Variants in BCAS1 observed in about 807,000 individuals in gnomAD.
BCAS1 encodes breast carcinoma-amplified sequence 1.
Under a neutral mutation model 65.4 loss-of-function variants are expected in BCAS1, and 46 were observed. The ratio of observed to expected loss-of-function variants is 0.70; its 90% CI spans 0.55 to 0.90. The LOEUF is 0.90. Ranked by LOEUF, BCAS1 falls within the 40% of genes least tolerant of loss-of-function variation. The pLI, the probability that BCAS1 is intolerant of heterozygous loss-of-function variation, is 0.00. For synonymous variants in BCAS1, 298 were observed against 293.5 expected, an observed-to-expected ratio of 1.02 and a Z score of -0.16; for missense variants, 793 against 771.2, an observed-to-expected ratio of 1.03 and a Z score of -0.33.
intron 3 of BCAS1, among the ~76,000 whole-genome samples, chr20:54,053,969 T>C (rs1191920668): frequency 6.6e-6 from 1 of 152,192 alleles, no homozygotes; most frequent in African/African-American, 2.4e-5. Flanking sequence ...GGAAAGAGGT[T>C]TAATGGACTT....
At chr20:54,054,024 C>T (rs373112972) in intron 3 of BCAS1, among the ~76,000 whole-genome samples, 106 of 152,188 alleles carry the variant, frequency 7.0e-4, no homozygotes, top group African/African-American at 2.2e-3. Flanking sequence ...TGGCAGATGA[C>T]GAAGGAAGAG....
At chr20:54,019,722 G>A (rs1467070400) in intron 4 of BCAS1, among the ~76,000 whole-genome samples, 2 of 152,204 alleles carry the variant, frequency 1.3e-5, no homozygotes, top group Admixed American at 1.3e-4. Flanking sequence ...GGGTTGCTGA[G>A]TCTTCCAGCC....
At position 54,037,217 on chromosome 20, in the gene BCAS1, C is replaced by A. The variant is rs1261988110; in HGVS notation, c.143-8245G>T. Among the ~76,000 whole-genome samples the A allele has an allele frequency of 4.2e-4, 63 of 151,444 alleles. 2 individuals carry two copies. Among genetic ancestry groups the A allele is most frequent in the Non-Finnish European group, 4.4e-5 (3 of 67,628 alleles). On this transcript the variant is annotated intron_variant, in intron 3 of 12. Transcript: ENST00000688948. ...GGCAGGGAAGGCCTCAGGAAACTTACAATCATGGTGGAAGTCAAAGGGGGA... is the reference window on the plus strand; with the variant it reads ...GGCAGGGAAGGCCTCAGGAAACTTAAAATCATGGTGGAAGTCAAAGGGGGA...
chr20:54,041,230 A>G (rs975551513), intron 3 of BCAS1, among the ~76,000 whole-genome samples: 2 of 151,418 alleles, frequency 1.3e-5, no homozygotes, highest in Non-Finnish European at 3.0e-5. Flanking sequence ...AGTAATGACG[A>G]TGTTCTGGAA....
chr20:53,973,529 C>T lies in BCAS1; in HGVS notation c.1317+1860G>A, dbSNP rs956951102. Among the ~76,000 whole-genome samples, 24 of 152,110 alleles carry T rather than the reference C, an allele frequency of 1.6e-4. 1 individual carries two copies. Among genetic ancestry groups the T allele is most frequent in the African/African-American group, 5.3e-4 (22 of 41,424 alleles). ...ACTCTGCATTTTAGCATCTGAGCTGCGGGAAACACAGGGTTCCTTAAACAA... is the reference window on the plus strand; with the variant it reads ...ACTCTGCATTTTAGCATCTGAGCTGTGGGAAACACAGGGTTCCTTAAACAA... On this transcript the variant is annotated intron_variant, in intron 9 of 12. Coordinates refer to ENST00000688948, the MANE Select transcript of BCAS1 (RefSeq NM_001366298.2).
chr20:53,974,164 TAGC>T (rs1215737549), intron 9 of BCAS1, among the ~76,000 whole-genome samples: 4 of 152,168 alleles, frequency 2.6e-5, no homozygotes, highest in African/African-American at 9.7e-5. Flanking sequence ...ATGGACCAAT[TAGC>T]AGGATGTGGG....
chr20:54,052,177 T>C (rs1015069447), intron 3 of BCAS1, among the ~76,000 whole-genome samples: 1 of 152,222 alleles, frequency 6.6e-6, no homozygotes, highest in Non-Finnish European at 1.5e-5. Context: ...TGACAAAATA[T>C]GCAGTCATGT....
At chr20:53,970,596 A>G (rs967809049) in intron 9 of BCAS1, among the ~76,000 whole-genome samples, 1 of 152,234 alleles carries the variant, frequency 6.6e-6, no homozygotes, top group African/African-American at 2.4e-5. Context: ...ACATTTTAGA[A>G]TTAAATCCCC....
At chr20:53,973,497 G>C (rs1265579451) in intron 9 of BCAS1, among the ~76,000 whole-genome samples, 2 of 152,132 alleles carry the variant, frequency 1.3e-5, no homozygotes, top group African/African-American at 2.4e-5. Flanking sequence ...TTGCCTGTTA[G>C]AGATCAACTC....
chr20:53,992,215 A>G (rs1034443889), intron 7 of BCAS1, among the ~76,000 whole-genome samples: 1 of 152,232 alleles, frequency 6.6e-6, no homozygotes, highest in African/African-American at 2.4e-5. Context: ...ATAATAGTAC[A>G]TCTAACAAAA....
intron 6 of BCAS1, among the ~76,000 whole-genome samples, chr20:53,993,541 A>G (rs1162867924): frequency 6.6e-6 from 1 of 152,192 alleles, no homozygotes; most frequent in Non-Finnish European, 1.5e-5. Flanking sequence ...TCAGCTGGGT[A>G]CGTTCAGTTT....
At chr20:54,030,140 A>G (rs552217050) in intron 3 of BCAS1, among the ~76,000 whole-genome samples, 1 of 152,190 alleles carries the variant, frequency 6.6e-6, no homozygotes, top group South Asian at 2.1e-4. Flanking sequence ...ACCTAAATTA[A>G]CTATAAAAGG....
intron 8 of BCAS1, among the ~76,000 whole-genome samples, chr20:53,981,090 A>G (rs1287844499): frequency 6.6e-6 from 1 of 152,242 alleles, no homozygotes; most frequent in Non-Finnish European, 1.5e-5. Context: ...AGCAAATTCA[A>G]TTCTTAAGGT....
chr20:53,975,309 C>T (rs2090300323), intron 9 of BCAS1, 80 bp downstream of exon 9: 2 of 1,296,364 alleles, frequency 1.5e-6, no homozygotes, highest in South Asian at 1.2e-5. Context: ...AACACAGGAC[C>T]CCAGAGCTGA....
chr20:53,982,012 T>C (rs1332535358), intron 8 of BCAS1, among the ~76,000 whole-genome samples: 1 of 152,228 alleles, frequency 6.6e-6, no homozygotes, highest in East Asian at 1.9e-4. Context: ...GAGCACATAC[T>C]ATATATTAGG....
chr20:53,999,340 TATCTA>T (rs1213866935), intron 4 of BCAS1, among the ~76,000 whole-genome samples: 7 of 152,230 alleles, frequency 4.6e-5, no homozygotes, highest in Admixed American at 2.6e-4. Flanking sequence ...AAATCTATCT[TATCTA>T]ATCTTTGCCA....
intron 4 of BCAS1, among the ~76,000 whole-genome samples, chr20:54,027,160 T>C (rs1287988997): frequency 6.6e-6 from 1 of 152,216 alleles, no homozygotes; most frequent in Non-Finnish European, 1.5e-5. Flanking sequence ...ATGTTGGAAA[T>C]AAGCTCTTTG....
Position 53,975,224 on chromosome 20 carries a change from T to C in BCAS1, c.1317+165A>G, listed in dbSNP as rs144262465. Among the ~76,000 whole-genome samples, 353 of 152,316 alleles carry C rather than the reference T, an allele frequency of 2.3e-3. 2 individuals carry two copies. The highest frequency in any genetic ancestry group is 4.3e-3 in the Non-Finnish European group (291 of 68,030). ...AGAGTTACAAAAATTCATCCAATGT[T>C]ATCCTCCATGCGTCCCTAATCACAT... On this transcript the variant is annotated intron_variant, in intron 9 of 12. Transcript: ENST00000688948.
intron 4 of BCAS1, among the ~76,000 whole-genome samples, chr20:54,023,200 A>G (rs968547367): frequency 2.6e-5 from 4 of 152,206 alleles, no homozygotes; most frequent in African/African-American, 9.6e-5. Flanking sequence ...GCATATGCTA[A>G]CATCTTTGAA....
Sources: allele counts gnomAD v4.1 joint callset (sites outside exome capture counted in the v4.1 genomes callset), GRCh38; gene constraint gnomAD v4.1.1; transcripts MANE v1.5; gene names NCBI Gene and HGNC (gene_info 2026-07-23, HGNC 2026-07-21).